CEP128: variants seen among roughly 807,000 people sequenced by gnomAD.
CEP128 encodes centrosomal protein 128.
A neutral mutation model predicts 156.7 loss-of-function variants in CEP128; 132 were observed. That is an observed-to-expected ratio of 0.84 (90% confidence interval 0.73 to 0.97). The LOEUF (loss-of-function observed/expected upper bound fraction) is 0.97, where lower values mean the gene tolerates loss of function less well. CEP128 is among the 50% of genes least tolerant of loss of function. The pLI is 0.00. For missense variants in CEP128, 1,252 were observed against 1,281.9 expected, an observed-to-expected ratio of 0.98 and a Z score of 0.36; for synonymous variants, 469 against 448.9, an observed-to-expected ratio of 1.04 and a Z score of -0.57.
rs1223587903 is a variant in CEP128 at position 80,572,929 on chromosome 14, G to GT, written c.2856+7444dup. 2.6e-5 allele frequency among the ~76,000 whole-genome samples: 4 copies of GT among 152,134 alleles called. No homozygotes were observed. In the South Asian group the frequency reaches 6.2e-4, roughly 24 times the overall value. ...AAACACACCCAGGTCACTGTTTTTTGTTTTTTGTTTTTTGATGGAGTCTTG... is the reference window on the plus strand; with the variant it reads ...AAACACACCCAGGTCACTGTTTTTTGTTTTTTTGTTTTTTGATGGAGTCTTG... On this transcript the variant is annotated intron_variant, in intron 20 of 24. Coordinates refer to ENST00000555265, the MANE Select transcript of CEP128 (RefSeq NM_152446.5).
At chr14:80,685,250 T>C (rs1398848603) in intron 19 of CEP128, among the ~76,000 whole-genome samples, 1 of 152,050 alleles carries the variant, frequency 6.6e-6, no homozygotes, top group Non-Finnish European at 1.5e-5. Context: ...TGAGTAAAGT[T>C]TTGGGACACA....
At chr14:80,687,386 T>C (rs960600413) in intron 19 of CEP128, among the ~76,000 whole-genome samples, 1 of 152,130 alleles carries the variant, frequency 6.6e-6, no homozygotes, top group African/African-American at 2.4e-5. Context: ...TCCCATGGAA[T>C]ACTATGCAGC....
At chr14:80,917,503 A>G (rs1205056741) in intron 2 of CEP128, among the ~76,000 whole-genome samples, 2 of 152,164 alleles carry the variant, frequency 1.3e-5, no homozygotes, top group African/African-American at 4.8e-5. Flanking sequence ...CTGATTAAAT[A>G]TAGTGTGATA....
intron 13 of CEP128, among the ~76,000 whole-genome samples, chr14:80,825,750 T>C (rs950577647): frequency 2.6e-5 from 4 of 152,156 alleles, no homozygotes; most frequent in Admixed American, 1.3e-4. Flanking sequence ...AGATGAAAGA[T>C]CTGAGAATTA....
intron 20 of CEP128, among the ~76,000 whole-genome samples, chr14:80,561,024 G>C (rs1413663218): frequency 6.6e-6 from 1 of 152,144 alleles, no homozygotes; most frequent in Admixed American, 6.5e-5. Flanking sequence ...GACCCACATA[G>C]ACCTATGACA....
intron 19 of CEP128, among the ~76,000 whole-genome samples, chr14:80,603,017 T>G (rs1892641099): frequency 6.6e-6 from 1 of 152,140 alleles, no homozygotes. Context: ...TGGGATACAG[T>G]GTGCTTATTA....
intron 2 of CEP128, among the ~76,000 whole-genome samples, chr14:80,923,902 T>C (rs917299775): frequency 6.6e-6 from 1 of 152,124 alleles, no homozygotes; most frequent in African/African-American, 2.4e-5. Context: ...GTTCTCATGA[T>C]AGTGAGTTCT....
At chr14:80,538,515 G>A (rs565045760) in intron 21 of CEP128, among the ~76,000 whole-genome samples, 7 of 152,092 alleles carry the variant, frequency 4.6e-5, no homozygotes, top group South Asian at 4.2e-4. Context: ...GAGCTCACCC[G>A]TATACCCACC....
At chr14:80,815,758 G>T (rs993619962) in intron 13 of CEP128, among the ~76,000 whole-genome samples, 4 of 152,188 alleles carry the variant, frequency 2.6e-5, no homozygotes, top group Admixed American at 2.0e-4. Flanking sequence ...TAAAAACAGG[G>T]AAATCATGTC....
chr14:80,494,361 G>C (rs1318391959), downstream of CEP128, among the ~76,000 whole-genome samples: 8 of 152,086 alleles, frequency 5.3e-5, no homozygotes, highest in Admixed American at 1.3e-4. Context: ...GTCTGGGGAG[G>C]GGGTGTAAGA....
At chr14:80,689,481 G>A (rs1454313587) in intron 19 of CEP128, among the ~76,000 whole-genome samples, 1 of 151,998 alleles carries the variant, frequency 6.6e-6, no homozygotes, top group Non-Finnish European at 1.5e-5. Flanking sequence ...CAAGAACAGT[G>A]GCAGGAATTC....
At chr14:80,856,332 T>C (rs912459493) in intron 9 of CEP128, among the ~76,000 whole-genome samples, 2 of 152,220 alleles carry the variant, frequency 1.3e-5, no homozygotes, top group African/African-American at 2.4e-5. Flanking sequence ...GAGAAACTAC[T>C]GACTTAATAT....
intron 13 of CEP128, among the ~76,000 whole-genome samples, chr14:80,809,260 A>G (rs959424080): frequency 6.6e-6 from 1 of 152,198 alleles, no homozygotes; most frequent in African/African-American, 2.4e-5. Context: ...ATAACAGACT[A>G]CACCAAGCTG....
At chr14:80,708,827 G>A (rs564647549) in intron 19 of CEP128, among the ~76,000 whole-genome samples, 4 of 152,076 alleles carry the variant, frequency 2.6e-5, no homozygotes, top group Non-Finnish European at 5.9e-5. Flanking sequence ...CTGATGAATG[G>A]TGTCAGAATA....
At chr14:80,930,390 T>C (rs1395000104) in intron 2 of CEP128, among the ~76,000 whole-genome samples, 1 of 152,170 alleles carries the variant, frequency 6.6e-6, no homozygotes, top group Admixed American at 6.5e-5. Flanking sequence ...CACTATGCAC[T>C]TGTCTCAGTC....
chr14:80,614,794 T>C (rs894149981), intron 19 of CEP128, among the ~76,000 whole-genome samples: 3 of 152,230 alleles, frequency 2.0e-5, no homozygotes, highest in Admixed American at 6.5e-5. Context: ...TCTCCAGAAA[T>C]CTGCTCATGT....
chr14:80,592,292 T>C (rs1436107331), intron 19 of CEP128, among the ~76,000 whole-genome samples: 4 of 152,062 alleles, frequency 2.6e-5, no homozygotes, highest in African/African-American at 9.7e-5. Flanking sequence ...GAGAATCAAA[T>C]AGACACAATA....
chr14:80,712,633 C>A (rs1897455687), intron 19 of CEP128, among the ~76,000 whole-genome samples: 1 of 152,040 alleles, frequency 6.6e-6, no homozygotes, highest in African/African-American at 2.4e-5. Flanking sequence ...AGCCATGTAT[C>A]CGTAGACCCA....
intron 19 of CEP128, among the ~76,000 whole-genome samples, chr14:80,648,670 T>C (rs1894766032): frequency 6.6e-6 from 1 of 152,132 alleles, no homozygotes; most frequent in Non-Finnish European, 1.5e-5. Flanking sequence ...CTGTGAAGGA[T>C]ATAAGAGTGG....
Sources: allele counts gnomAD v4.1 joint callset (sites outside exome capture counted in the v4.1 genomes callset), GRCh38; gene constraint gnomAD v4.1.1; transcripts MANE v1.5; gene names NCBI Gene and HGNC (gene_info 2026-07-23, HGNC 2026-07-21).